The following MCU variants were observed in gnomAD, a reference collection of about 807,000 sequenced individuals.
MCU encodes the protein mitochondrial calcium uniporter.
A neutral mutation model predicts 45.2 loss-of-function variants in MCU; 12 were observed. That is an observed-to-expected ratio of 0.27 (90% CI 0.17 to 0.43). MCU has a LOEUF of 0.43. MCU is among the 20% of genes least tolerant of loss of function. MCU has a pLI of 1.00. For synonymous variants in MCU, 160 were observed against 165.1 expected, an observed-to-expected ratio of 0.97 and a Z score of 0.24; for missense variants, 324 against 436.7, an observed-to-expected ratio of 0.74 and a Z score of 2.30.
At chr10:72,860,743 C>G (rs1248954479) in intron 4 of MCU, among the ~76,000 whole-genome samples, 3 of 152,154 alleles carry the variant, frequency 2.0e-5, no homozygotes, top group South Asian at 4.1e-4. Context: ...TGCCTAGATT[C>G]CAGAATGCTT....
At chr10:72,839,162 G>C (rs1388326115) in intron 2 of MCU, among the ~76,000 whole-genome samples, 1 of 151,864 alleles carries the variant, frequency 6.6e-6, no homozygotes, top group Non-Finnish European at 1.5e-5. Context: ...ACTGATTTTT[G>C]TATTTTTAGT....
At chr10:72,883,735 A>T (rs952665872) in intron 6 of MCU, among the ~76,000 whole-genome samples, 1 of 152,230 alleles carries the variant, frequency 6.6e-6, no homozygotes, top group African/African-American at 2.4e-5. Context: ...ACAATATAAT[A>T]TAATGGAAAT....
At chr10:72,864,323 ACCAGTGATGCTGGAAGTGCTC>A (rs1234473077) in intron 4 of MCU, among the ~76,000 whole-genome samples, 2 of 152,158 alleles carry the variant, frequency 1.3e-5, no homozygotes, top group Non-Finnish European at 2.9e-5. Context: ...ACGAAGTGCT[ACCAGTGATGCTGGAAGTGCTC>A]CCAAGAAGCA....
intron 1 of MCU, among the ~76,000 whole-genome samples, chr10:72,801,560 C>G (rs1200144817): frequency 6.6e-6 from 1 of 151,494 alleles, no homozygotes; most frequent in Non-Finnish European, 1.5e-5. Context: ...ACAGACTTCT[C>G]AGATTATTTT....
intron 6 of MCU, among the ~76,000 whole-genome samples, chr10:72,879,125 A>G (rs2132897056): frequency 6.6e-6 from 1 of 152,240 alleles, no homozygotes; most frequent in Non-Finnish European, 1.5e-5. Context: ...TTAGCTGGGC[A>G]TGTGGCACAC....
At chr10:72,838,363 C>A (rs986426384) in intron 2 of MCU, among the ~76,000 whole-genome samples, 1 of 152,084 alleles carries the variant, frequency 6.6e-6, no homozygotes. Flanking sequence ...CCTGTAAACC[C>A]AGCACTTTGG....
chr10:72,696,134 C>A (rs1842683372), intron 1 of MCU, among the ~76,000 whole-genome samples: 1 of 141,228 alleles, frequency 7.1e-6, no homozygotes, highest in Admixed American at 7.3e-5. Context: ...TGCACTCCAG[C>A]CTGGGCGAAA....
intron 1 of MCU, among the ~76,000 whole-genome samples, chr10:72,736,760 T>C (rs765476789): frequency 2.0e-5 from 3 of 152,260 alleles, no homozygotes; most frequent in Non-Finnish European, 4.4e-5. Context: ...TTTATTAATA[T>C]GCTTCCTTTG....
At chr10:72,722,240 C>T (rs143464748) in intron 1 of MCU, among the ~76,000 whole-genome samples, 1,619 of 142,388 alleles carry the variant, frequency 0.011, 24 homozygotes, top group South Asian at 0.031. Flanking sequence ...CACTTGAACC[C>T]GGGAGGCAGA....
In MCU at chr10:72,885,822, A is replaced by G; in HGVS notation, c.1056A>G (p.Ter352TrpextTer6). 1 of 1,612,648 alleles carries G rather than the reference A, an allele frequency of 6.2e-7. No homozygotes were observed. Among genetic ancestry groups the G allele is most frequent in the Non-Finnish European group, 8.5e-7 (1 of 1,178,768 alleles). The change falls in exon 8 of 8, where the codon TGA (stop) becomes TGG (tryptophan). Residue 352 changes from the stop codon to tryptophan (W), a stop_lost. Coordinates refer to ENST00000373053, the MANE Select transcript of MCU (RefSeq NM_138357.3). ...LPLRQIGEKD[*>W] ...TCCGACAAATTGGTGAAAAAGATTGATCTGCAAAAAGCCTCTGAATCCTGG... is the reference window on the plus strand; with the variant it reads ...TCCGACAAATTGGTGAAAAAGATTGGTCTGCAAAAAGCCTCTGAATCCTGG...
At chr10:72,697,697 G>A (rs979850364) in intron 1 of MCU, among the ~76,000 whole-genome samples, 4 of 152,058 alleles carry the variant, frequency 2.6e-5, no homozygotes, top group African/African-American at 9.7e-5. Context: ...GCCTCCCAAA[G>A]TGCTGGGATT....
intron 1 of MCU, among the ~76,000 whole-genome samples, chr10:72,726,964 C>G (rs996811588): frequency 1.3e-5 from 2 of 152,114 alleles, no homozygotes; most frequent in East Asian, 1.9e-4. Flanking sequence ...CATCAAAGCT[C>G]TAGTACCTGG....
At chr10:72,733,902 AT>A (rs1394828371) in intron 1 of MCU, among the ~76,000 whole-genome samples, 4 of 152,004 alleles carry the variant, frequency 2.6e-5, no homozygotes, top group Admixed American at 1.3e-4. Context: ...ATTTGGAAAA[AT>A]TATTTTAAAA....
intron 1 of MCU, among the ~76,000 whole-genome samples, chr10:72,755,992 C>T (rs1372488440): frequency 6.6e-6 from 1 of 152,082 alleles, no homozygotes; most frequent in Non-Finnish European, 1.5e-5. Context: ...TACCGGTGTG[C>T]ACCACCATAC....
chr10:72,826,947 A>T (rs1036114086), intron 1 of MCU, among the ~76,000 whole-genome samples: 1 of 152,012 alleles, frequency 6.6e-6, no homozygotes, highest in Admixed American at 6.6e-5. Context: ...ATTACAATAT[A>T]TTGTTGTAAT....
At chr10:72,762,225 C>G (rs888260416) in intron 1 of MCU, among the ~76,000 whole-genome samples, 5 of 151,998 alleles carry the variant, frequency 3.3e-5, no homozygotes, top group African/African-American at 1.2e-4. Context: ...TTTAAAACTG[C>G]CAACAAAAAC....
chr10:72,766,012 A>T, intron 1 of MCU, among the ~76,000 whole-genome samples: 1 of 152,044 alleles, frequency 6.6e-6, no homozygotes, highest in Non-Finnish European at 1.5e-5. Flanking sequence ...GACTACAGGC[A>T]TGTGCCACCA....
intron 1 of MCU, among the ~76,000 whole-genome samples, chr10:72,713,947 TTGTGTGTG>T (rs72292523): frequency 9.4e-4 from 131 of 139,084 alleles, no homozygotes; most frequent in African/African-American, 2.4e-3. Context: ...CTTTCATCAT[TTGTGTGTG>T]TGTGTGTGTG....
intron 5 of MCU, among the ~76,000 whole-genome samples, chr10:72,870,545 G>A (rs1845526790): frequency 6.6e-6 from 1 of 152,116 alleles, no homozygotes; most frequent in African/African-American, 2.4e-5. Flanking sequence ...GCCTCCCAAA[G>A]TGCTGGGATT....
Sources: gnomAD v4.1 joint callset for allele counts (sites outside exome capture counted in the v4.1 genomes callset) on GRCh38, gnomAD v4.1.1 for gene constraint, MANE v1.5 for transcripts, NCBI Gene and HGNC (gene_info 2026-07-23, HGNC 2026-07-21) for gene names.